PDE4B: variants seen among roughly 807,000 people sequenced by gnomAD.
PDE4B encodes the protein 3',5'-cyclic-AMP phosphodiesterase 4B.
In PDE4B, 20 loss-of-function variants were observed where a neutral mutation model predicts 82.2. The ratio of observed to expected loss-of-function variants is 0.24; its 90% CI spans 0.17 to 0.35. The LOEUF is 0.35. Among genes scored for constraint, PDE4B ranks in the 10% least tolerant of loss-of-function variants. PDE4B has a pLI of 1.00. For missense variants in PDE4B, 655 were observed against 907.2 expected, an observed-to-expected ratio of 0.72 and a Z score of 3.57; for synonymous variants, 320 against 318.9, an observed-to-expected ratio of 1.00 and a Z score of -0.04.
rs551068419 is a variant in PDE4B, at chr1:66,319,267, A to G, written c.635-13241A>G. 7.9e-5 allele frequency among the ~76,000 whole-genome samples: 12 copies of G among 152,184 alleles called. No individual in the cohort carries two copies. The South Asian group carries it at 1.2e-3, about 16-fold the overall frequency. On this transcript the variant is annotated intron_variant, in intron 7 of 16. Coordinates refer to ENST00000341517, the MANE Select transcript of PDE4B (RefSeq NM_002600.4). ...ATTTCTTAGTCCTCTTCTCCTCCTC[A>G]CCCAGCACCTTCACTCTCAACAGCA...
chr1:65,987,458 A>G (rs1445048131), intron 3 of PDE4B, among the ~76,000 whole-genome samples: 1 of 152,176 alleles, frequency 6.6e-6, no homozygotes, highest in African/African-American at 2.4e-5. Flanking sequence ...TGGGAGCATG[A>G]ATTCCGTCTT....
chr1:66,181,484 G>T (rs1053916143), intron 3 of PDE4B, among the ~76,000 whole-genome samples: 1 of 152,130 alleles, frequency 6.6e-6, no homozygotes, highest in Non-Finnish European at 1.5e-5. Flanking sequence ...TATACTGTTA[G>T]CTAATGGGAT....
chr1:66,058,857 A>T (rs1231150124), intron 3 of PDE4B, among the ~76,000 whole-genome samples: 1 of 152,100 alleles, frequency 6.6e-6, no homozygotes, highest in Non-Finnish European at 1.5e-5. Flanking sequence ...CATTTCTTCC[A>T]TTGTCTTGGG....
At chr1:66,225,672 G>T (rs886923299) in intron 3 of PDE4B, among the ~76,000 whole-genome samples, 1 of 152,132 alleles carries the variant, frequency 6.6e-6, no homozygotes, top group African/African-American at 2.4e-5. Flanking sequence ...CAGTAACCAG[G>T]GCAGGGATAT....
intron 3 of PDE4B, among the ~76,000 whole-genome samples, chr1:66,004,820 A>G (rs1652058936): frequency 6.6e-6 from 1 of 152,010 alleles, no homozygotes; most frequent in Admixed American, 6.6e-5. Context: ...CACCACTTAC[A>G]AACTGTTTAT....
chr1:66,218,022 G>T (rs1423204732), intron 3 of PDE4B, among the ~76,000 whole-genome samples: 1 of 152,126 alleles, frequency 6.6e-6, no homozygotes, highest in Non-Finnish European at 1.5e-5. Flanking sequence ...TATAGCAGAT[G>T]ATTTGATGGA....
At chr1:66,323,829 A>G (rs1209607174) in intron 7 of PDE4B, among the ~76,000 whole-genome samples, 1 of 152,184 alleles carries the variant, frequency 6.6e-6, no homozygotes, top group Non-Finnish European at 1.5e-5. Flanking sequence ...CCAGAGACCA[A>G]GCTTTTAATC....
At chr1:66,011,274 T>C (rs563302157) in intron 3 of PDE4B, among the ~76,000 whole-genome samples, 8 of 150,662 alleles carry the variant, frequency 5.3e-5, no homozygotes, top group Non-Finnish European at 1.2e-4. Flanking sequence ...TTTCTATGGA[T>C]GGAAAGCTGG....
chr1:66,300,793 G>A (rs923909483), intron 7 of PDE4B, among the ~76,000 whole-genome samples: 4 of 152,122 alleles, frequency 2.6e-5, no homozygotes, highest in African/African-American at 9.7e-5. Flanking sequence ...TCTCCATGCC[G>A]GCTGGATTAG....
At chr1:65,807,916 G>A (rs1391607788) in intron 1 of PDE4B, among the ~76,000 whole-genome samples, 2 of 152,156 alleles carry the variant, frequency 1.3e-5, no homozygotes, top group African/African-American at 4.8e-5. Flanking sequence ...TGTGATTTAA[G>A]CCCTTTAGCC....
chr1:65,946,466 GAT>G (rs1187054018), intron 3 of PDE4B, among the ~76,000 whole-genome samples: 3 of 152,016 alleles, frequency 2.0e-5, no homozygotes, highest in African/African-American at 7.2e-5. Flanking sequence ...GTTAGGAAGA[GAT>G]GTGATGGTAT....
chr1:66,214,750 C>A (rs1378058434), intron 3 of PDE4B, among the ~76,000 whole-genome samples: 2 of 152,026 alleles, frequency 1.3e-5, no homozygotes, highest in East Asian at 1.9e-4. Context: ...CTCCAAAACC[C>A]ATTAACAAAT....
intron 1 of PDE4B, among the ~76,000 whole-genome samples, chr1:65,904,094 G>C (rs1157765257): frequency 6.6e-6 from 1 of 152,078 alleles, no homozygotes; most frequent in Non-Finnish European, 1.5e-5. Context: ...TTGTTTCAGT[G>C]GTCTTCCCAA....
Position 66,206,814 on chromosome 1 carries a change from C to T in PDE4B, c.282-40646C>T, listed in dbSNP as rs190039133. Among the ~76,000 whole-genome samples the T allele has an allele frequency of 9.4e-4, 143 of 152,274 alleles. 1 individual carries two copies. The highest frequency in any genetic ancestry group is 3.2e-3 in the African/African-American group (135 of 41,556). On this transcript the variant is annotated intron_variant, in intron 3 of 16. Transcript: ENST00000341517. Reference sequence around the variant, plus strand: ...GGAAGTTCAGAGATTGCATGGTCCACTAGCTCAGGAACAGGTTTCATTTGT... The same window carrying T: ...GGAAGTTCAGAGATTGCATGGTCCATTAGCTCAGGAACAGGTTTCATTTGT...
rs5774774 is a variant in PDE4B, at chr1:65,882,680, A to ATG, written c.-70-30539_-70-30538dup. ...TGTTTATGGCAACTATTTGAAAAAT[A>ATG]TGTGTGTGTGTGTGTGTGTGTGTGT... On this transcript the variant is annotated intron_variant, in intron 1 of 16. Transcript: ENST00000341517. 5.9e-3 allele frequency among the ~76,000 whole-genome samples: 882 copies of ATG among 149,892 alleles called. 5 individuals are homozygous for ATG. The highest frequency in any genetic ancestry group is 0.016 in the African/African-American group (659 of 40,964).
In PDE4B at chr1:66,048,306, C is replaced by T. The variant is rs114900572; in HGVS notation, c.281+129471C>T. Among the ~76,000 whole-genome samples the T allele has an allele frequency of 6.6e-3, 1,007 of 151,966 alleles. 15 individuals carry two copies. The highest frequency in any genetic ancestry group is 0.023 in the African/African-American group (935 of 41,494). On this transcript the variant is annotated intron_variant, in intron 3 of 16. Transcript: ENST00000341517. The stretch of plus-strand genomic sequence containing the variant: ...GTCTTATAGATGAGCCATTTCCTGA[C>T]AGCTAAGGAGCAATCAACTCCACTG...
chr1:66,356,166 G>T (rs990169905), intron 9 of PDE4B, among the ~76,000 whole-genome samples: 4 of 152,192 alleles, frequency 2.6e-5, no homozygotes, highest in Admixed American at 6.6e-5. Flanking sequence ...TGGTAAGGGG[G>T]AGAATTTTAA....
At chr1:66,203,636 G>A (rs866697152) in intron 3 of PDE4B, among the ~76,000 whole-genome samples, 21 of 151,796 alleles carry the variant, frequency 1.4e-4, no homozygotes, top group South Asian at 4.2e-4. Context: ...CCAGTTGTTC[G>A]CATCGGCTCC....
intron 1 of PDE4B, among the ~76,000 whole-genome samples, chr1:65,831,511 A>C (rs1216497933): frequency 6.6e-6 from 1 of 152,186 alleles, no homozygotes; most frequent in Admixed American, 6.5e-5. Context: ...TATGGCTATT[A>C]AGTAAATTGA....
Sources: allele counts gnomAD v4.1 joint callset (sites outside exome capture counted in the v4.1 genomes callset), GRCh38; gene constraint gnomAD v4.1.1; transcripts MANE v1.5; gene names NCBI Gene and HGNC (gene_info 2026-07-23, HGNC 2026-07-21).